The following SNX19 variants were observed in gnomAD, a reference collection of about 807,000 sequenced individuals.
SNX19 encodes sorting nexin-19.
In SNX19, 60 loss-of-function variants were observed where a neutral mutation model predicts 85.2. The ratio of observed to expected loss-of-function variants is 0.70; its 90% CI spans 0.57 to 0.87. SNX19 has a LOEUF of 0.87. Among genes scored for constraint, SNX19 ranks in the 40% least tolerant of loss-of-function variants. SNX19 has a pLI of 0.00. For synonymous variants in SNX19, 520 were observed against 470.0 expected (o/e 1.11, Z -1.38); for missense variants, 1,201 against 1,217.8 (o/e 0.99, Z 0.21).
At chr11:130,898,511 T>C (rs1372543400) in intron 8 of SNX19, among the ~76,000 whole-genome samples, 4 of 152,210 alleles carry the variant, frequency 2.6e-5, no homozygotes, top group Admixed American at 2.0e-4. Context: ...CAAAAGCATA[T>C]GGCTCAGCTA....
At chr11:130,880,529 T>C in intron 9 of SNX19, 93 bp downstream of exon 9, 1 of 1,224,000 alleles carries the variant, frequency 8.2e-7, no homozygotes, top group Non-Finnish European at 1.1e-6. Context: ...TTCAGGGCCC[T>C]TTTACAAACA....
chr11:130,893,556 GA>G (rs1490471745), intron 8 of SNX19, among the ~76,000 whole-genome samples: 4 of 152,240 alleles, frequency 2.6e-5, no homozygotes, highest in Non-Finnish European at 4.4e-5. Context: ...TCTACAGGCT[GA>G]AATGTAAAAC....
Position 130,910,182 on chromosome 11 carries a change from C to G in SNX19, c.1915-45G>C, listed in dbSNP as rs1472227001. ...ACACATTTTAAAGAGAAATTCCAGT[C>G]CCCAAATCTCTCCACCTTGGCTTGG... On this transcript the variant is annotated intron_variant, in intron 3 of 10. Transcript: ENST00000265909. 1.9e-6 allele frequency: 3 copies of G among 1,613,674 alleles called. No homozygotes were observed. In the African/African-American group the frequency reaches 4.0e-5, roughly 22 times the overall value.
intron 7 of SNX19, chr11:130,905,578 C>G: frequency 8.5e-7 from 1 of 1,171,354 alleles, no homozygotes; most frequent in Non-Finnish European, 1.2e-6. Context: ...GACTAAGAAG[C>G]CACGAAAAAG....
intron 8 of SNX19, chr11:130,894,605 G>C (rs1327082789): frequency 1.0e-6 from 1 of 981,888 alleles, no homozygotes; most frequent in Admixed American, 6.1e-5. Context: ...AGCGCCACCT[G>C]GTGCCCATAG....
Position 130,873,945 on chromosome 11 carries a change from G to T in SNX19, c.*4477C>A, listed in dbSNP as rs376008660. Among the ~76,000 whole-genome samples the T allele has an allele frequency of 2.0e-5, 3 of 152,098 alleles. No homozygotes were observed. Among genetic ancestry groups the T allele is most frequent in the Admixed American group, 6.5e-5 (1 of 15,276 alleles). On this transcript the variant is annotated 3_prime_UTR_variant, in exon 11 of 11. Transcript: ENST00000265909. ...TCTCTGGGGGAAAATACTATTGAAA[G>T]CCAATCACAATGCCATTCTCAGTGT...
rs768488845 is a variant in SNX19 at position 130,910,150 on chromosome 11, AAC to A, written c.1915-15_1915-14del. On this transcript the variant is annotated splice_polypyrimidine_tract_variant and intron_variant, in intron 3 of 10. Coordinates refer to ENST00000265909, the MANE Select transcript of SNX19 (RefSeq NM_014758.3). ...TGGCACAGAGTTGCTGCAAAAGTAA[AAC>A]ACACACACATTTTAAAGAGAAATTC... 1.2e-4 allele frequency: 190 copies of A among 1,613,274 alleles called. 1 individual carries two copies. The highest frequency in any genetic ancestry group is 1.6e-4 in the Non-Finnish European group (184 of 1,179,418).
At chr11:130,909,889 T>C in intron 4 of SNX19, 129 bp downstream of exon 4, 1 of 1,203,840 alleles carries the variant, frequency 8.3e-7, no homozygotes, top group Non-Finnish European at 1.2e-6. Flanking sequence ...GTCCATGTTC[T>C]ATTGACGGCT....
chr11:130,915,151 T>A lies in SNX19; in HGVS notation c.789A>T (p.Val263=). ...RLSDPDWIHL[V]LVGIFSKARD... ...TGGCCTTGGAAAAGATACCCACGAG[T>A]ACAAGGTGGATCCAGTCAGGATCTG... Residue 263 remains valine (V), a synonymous_variant, in exon 1 of 11, where the codon GTA becomes GTT. Transcript: ENST00000265909. The A allele has an allele frequency of 6.2e-7, 1 of 1,613,988 alleles. No homozygotes were observed. The highest frequency in any genetic ancestry group is 2.2e-5 in the East Asian group (1 of 44,860).
rs1224631444 is a variant in SNX19, at chr11:130,915,222, C to T, written c.718G>A (p.Glu240Lys). Residue 240 changes from glutamate to lysine, a missense_variant, in exon 1 of 11, where the codon GAA (glutamate) becomes AAA (lysine). Physicochemically the swap from Glu to Lys is moderately conservative, Grantham distance 56. Around this residue, in one of 3 missense-constraint regions of SNX19, gnomAD observed 791 missense variants for 750.9 expected, o/e 1.05. Coordinates refer to ENST00000265909, the MANE Select transcript of SNX19 (RefSeq NM_014758.3). ...ETRTGRHVVVELITCNVILPL... is the reference protein window; with the variant it reads ...ETRTGRHVVVKLITCNVILPL... ...AAGATTACATTGCATGTGATGAGTT[C>T]GACCACTACATGGCGTCCGGTACGA... The T allele has an allele frequency of 1.2e-6, 2 of 1,614,232 alleles. No individual in the cohort carries two copies. Among genetic ancestry groups the T allele is most frequent in the Non-Finnish European group, 1.7e-6 (2 of 1,180,050 alleles).
intron 8 of SNX19, among the ~76,000 whole-genome samples, chr11:130,882,765 T>A (rs1194376004): frequency 6.6e-6 from 1 of 152,196 alleles, no homozygotes. Context: ...TGCAGGGGAT[T>A]AAGTGACCCA....
At position 130,873,803 on chromosome 11, in the gene SNX19, T is replaced by C. The variant is rs1042685354; in HGVS notation, c.*4619A>G. ...GAGTAGATAGGGGATCTGCTGAATG[T>C]TGGCAGAATGACCCATCCCTAGAGC... On this transcript the variant is annotated 3_prime_UTR_variant, in exon 11 of 11. Transcript: ENST00000265909. Among the ~76,000 whole-genome samples the C allele has an allele frequency of 2.6e-5, 4 of 152,172 alleles. No homozygotes were observed. The highest frequency in any genetic ancestry group is 2.6e-4 in the Admixed American group (4 of 15,270).
At chr11:130,912,021 T>C (rs1318347121) in intron 1 of SNX19, among the ~76,000 whole-genome samples, 1 of 151,826 alleles carries the variant, frequency 6.6e-6, no homozygotes, top group African/African-American at 2.4e-5. Flanking sequence ...TCTTGACTTA[T>C]AAAAATGGCT....
rs1357787169 is a variant in SNX19 at position 130,914,290 on chromosome 11, G to A, written c.1650C>T (p.His550=). The A allele has an allele frequency of 1.3e-6, 2 of 1,595,206 alleles. No individual in the cohort carries two copies. Among genetic ancestry groups the A allele is most frequent in the Non-Finnish European group, 1.7e-6 (2 of 1,170,394 alleles). Residue 550 remains histidine, a synonymous_variant, in exon 1 of 11, where the codon CAC becomes CAT. Coordinates refer to ENST00000265909, the MANE Select transcript of SNX19 (RefSeq NM_014758.3). ...TAREHSGTGF[H]PYTLYTVKYE... ...CCTTCACAGTATAGAGTGTGTATGG[G>A]TGGAATCCAGTGCCACTGTGCTCTC...
At position 130,878,488 on chromosome 11, in the gene SNX19, C is replaced by T. The variant is rs771393869; in HGVS notation, c.2913G>A (p.Glu971=). 5.6e-6 allele frequency: 9 copies of T among 1,613,940 alleles called. No homozygotes were observed. The South Asian group carries it at 7.7e-5, about 14-fold the overall frequency. The change falls in exon 11 of 11, where the codon GAG becomes GAA. Residue 971 remains glutamate, a synonymous_variant. Transcript: ENST00000265909. ...CTGAGGCAGAGGTGGTAGCAGCAGA[C>T]TCCTCAACAGAGGCACTGAGATCCA... ...EFLDLSASVE[E]SAATTSASDT... is the part of the protein sequence containing the mutation.
intron 8 of SNX19, among the ~76,000 whole-genome samples, chr11:130,881,301 AT>A (rs567777071): frequency 1.2e-4 from 19 of 152,360 alleles, no homozygotes; most frequent in African/African-American, 3.6e-4. Flanking sequence ...ACAGCCTGGG[AT>A]AACAGAATTT....
Position 130,903,298 on chromosome 11 carries a change from T to C in SNX19, c.2530A>G (p.Met844Val). 1.2e-6 allele frequency: 2 copies of C among 1,614,006 alleles called. No individual in the cohort carries two copies. Among genetic ancestry groups the C allele is most frequent in the Non-Finnish European group, 1.7e-6 (2 of 1,179,904 alleles). ...AAGATAAGACGAAGAAACTTTTGCA[T>C]GTTTTCGGTACATAGCCATTTCCAC... is the stretch of plus-strand genomic sequence containing the variant. ...EQWKWLCTEN[M>V]QKFLRLIFGT... is the part of the protein sequence containing the mutation. The change falls in exon 8 of 11, where the codon ATG (methionine) becomes GTG (valine). Residue 844 changes from methionine to valine, a missense_variant. Around this residue, in one of 3 missense-constraint regions of SNX19, gnomAD observed 285 missense variants for 295.3 expected, o/e 0.97. Coordinates refer to ENST00000265909, the MANE Select transcript of SNX19 (RefSeq NM_014758.3).
intron 8 of SNX19, chr11:130,894,904 C>A (rs546439817): frequency 7.1e-6 from 7 of 985,418 alleles, no homozygotes; most frequent in Middle Eastern, 5.2e-4. Context: ...TCTTATCCCC[C>A]CAAAGAACTT....
intron 2 of SNX19, 158 bp downstream of exon 2, chr11:130,911,475 G>C (rs1296365868): frequency 6.1e-6 from 9 of 1,469,006 alleles, no homozygotes; most frequent in South Asian, 1.4e-5. Flanking sequence ...GATTGCTGCT[G>C]TCCAGCACTA....
Sources: gnomAD v4.1 joint callset for allele counts (sites outside exome capture counted in the v4.1 genomes callset) on GRCh38, gnomAD v4.1.1 for gene constraint, gnomAD v4.1.1 regional missense constraint, MANE v1.5 for transcripts, NCBI Gene and HGNC (gene_info 2026-07-23, HGNC 2026-07-21) for gene names.